Variants in MAP3K13 observed in about 807,000 individuals in gnomAD.
MAP3K13 encodes the protein mitogen-activated protein kinase kinase kinase 13, also known as leucine zipper-bearing kinase.
A neutral mutation model predicts 104.0 loss-of-function variants in MAP3K13; 52 were observed. The observed-to-expected ratio is 0.50, with a 90% confidence interval of 0.40 to 0.63. MAP3K13 has a LOEUF of 0.63. MAP3K13 is among the 20% of genes least tolerant of loss of function. MAP3K13 has a pLI of 0.00. For missense variants in MAP3K13, 914 were observed against 1,218.5 expected (o/e 0.75, Z 3.72); for synonymous variants, 394 against 442.2 (o/e 0.89, Z 1.37).
chr3:185,399,749 T>C (rs1421020947), intron 1 of MAP3K13, among the ~76,000 whole-genome samples: 1 of 150,280 alleles, frequency 6.7e-6, no homozygotes, highest in African/African-American at 2.4e-5. Flanking sequence ...TGTAGTTCTT[T>C]GCCCCAGTTA....
intron 1 of MAP3K13, among the ~76,000 whole-genome samples, chr3:185,392,658 T>G (rs1156264629): frequency 1.3e-5 from 2 of 152,148 alleles, no homozygotes; most frequent in East Asian, 3.9e-4. Context: ...TTGAGTGGCA[T>G]GTTCAGAATT....
intron 2 of MAP3K13, chr3:185,329,146 C>T (rs1240076302): frequency 4.4e-6 from 3 of 689,042 alleles, no homozygotes; most frequent in East Asian, 2.7e-5. Context: ...AAAAGAAAGC[C>T]GTGAGGTGTA....
upstream of MAP3K13, chr3:185,363,094 A>G (rs1465961152): frequency 4.1e-6 from 4 of 984,148 alleles, no homozygotes; most frequent in African/African-American, 1.8e-5. Context: ...CCTGAAGCCT[A>G]TTGGCTGGGC....
chr3:185,489,052 CAA>C lies in MAP3K13; in HGVS notation c.*6598_*6599del, dbSNP rs1325346111. ...CGGCAATGGGAACAAGAATGACTAT[CAA>C]AGCAAACAAATGCATGGAATTAAAC... On this transcript the variant is annotated 3_prime_UTR_variant, in exon 14 of 14. Transcript: ENST00000265026. The C allele has an allele frequency of 6.6e-6, 1 of 152,146 alleles. No homozygotes were observed. Among genetic ancestry groups the C allele is most frequent in the Non-Finnish European group, 1.5e-5 (1 of 68,030 alleles). 9.4% of individuals were successfully genotyped at this position (152,146 alleles called of 1,614,324 possible).
intron 2 of MAP3K13, among the ~76,000 whole-genome samples, chr3:185,302,916 T>C (rs867893346): frequency 1.3e-5 from 2 of 152,226 alleles, no homozygotes; most frequent in South Asian, 4.1e-4. Flanking sequence ...TTTTTCCTGA[T>C]ATTAAAGGGA....
intron 1 of MAP3K13, among the ~76,000 whole-genome samples, chr3:185,387,515 T>C (rs770232936): frequency 6.6e-6 from 1 of 152,118 alleles, no homozygotes; most frequent in Non-Finnish European, 1.5e-5. Flanking sequence ...TTTTAAAAAA[T>C]AAATTACCCA....
intron 1 of MAP3K13, among the ~76,000 whole-genome samples, chr3:185,383,746 T>C (rs1204745999): frequency 1.3e-5 from 2 of 152,184 alleles, no homozygotes; most frequent in African/African-American, 4.8e-5. Flanking sequence ...TTTTTCTTTA[T>C]AAATTACCCA....
rs770069949 is a variant in MAP3K13 at position 185,428,963 on chromosome 3, G to A, written c.382G>A (p.Gly128Ser). ...GTTCAGCAGGTCAGGCAGTGGCAGT[G>A]GTGGGTTTCTTGAAGGACTATTTGG... The part of the protein sequence containing the change: ...IQFSRSGSGS[G>S]GFLEGLFGCL... Residue 128 changes from glycine to serine, a missense_variant, in exon 2 of 14, where the codon GGT (glycine) becomes AGT (serine). Transcript: ENST00000265026. The A allele has an allele frequency of 6.2e-7, 1 of 1,614,156 alleles. No homozygotes were observed. The highest frequency in any genetic ancestry group is 1.3e-5 in the African/African-American group (1 of 75,038).
At chr3:185,298,519 A>G (rs375296819) in intron 2 of MAP3K13, among the ~76,000 whole-genome samples, 197 of 152,316 alleles carry the variant, frequency 1.3e-3, no homozygotes, top group African/African-American at 4.6e-3. Context: ...ACATTATCCT[A>G]ACTAATTTAA....
In MAP3K13 at chr3:185,473,084, C is replaced by G. The variant is rs1455348357; in HGVS notation, c.1753C>G (p.Arg585Gly). 6.2e-7 allele frequency: 1 copy of G among 1,614,058 alleles called. No individual in the cohort carries two copies. Among genetic ancestry groups the G allele is most frequent in the African/African-American group, 1.3e-5 (1 of 74,914 alleles). Reference protein sequence around the residue: ...MSTSSSKSRYRSKPRHRRGNS... With the variant: ...MSTSSSKSRYGSKPRHRRGNS... ...CACTTCTAGCAGCAAGAGCCGATAT[C>G]GAAGCAAACCACGCCACCGCCGAGG... is the stretch of plus-strand genomic sequence containing the variant. The change falls in exon 11 of 14, where the codon CGA becomes GGA. Residue 585 changes from arginine to glycine, a missense_variant. Physicochemically the swap from Arg to Gly is moderately radical, Grantham distance 125. This residue lies in a region of MAP3K13 where 583 missense variants were observed against 737.4 expected (regional missense o/e 0.79). Transcript: ENST00000265026. The surrounding 1 kb of genome is among the most constrained non-coding windows in gnomAD (Gnocchi z 4.9).
Position 185,477,323 on chromosome 3 carries a change from C to A in MAP3K13, c.2431-3C>A. 1 of 1,594,546 alleles carries A rather than the reference C, an allele frequency of 6.3e-7. No homozygotes were observed. Among genetic ancestry groups the A allele is most frequent in the Non-Finnish European group, 8.6e-7 (1 of 1,162,252 alleles). ...TAAAACTCTTAATCCTTGTTCTCCTCAGAGTGGAGATGACTCCTCAGAAGA... is the reference window on the plus strand; with the variant it reads ...TAAAACTCTTAATCCTTGTTCTCCTAAGAGTGGAGATGACTCCTCAGAAGA... On this transcript the variant is annotated splice_region_variant and splice_polypyrimidine_tract_variant and intron_variant, in intron 11 of 13. Transcript: ENST00000265026.
intron 3 of MAP3K13, among the ~76,000 whole-genome samples, chr3:185,438,356 A>C (rs1247114853): frequency 6.6e-6 from 1 of 152,158 alleles, no homozygotes; most frequent in Non-Finnish European, 1.5e-5. Flanking sequence ...TGAAGTGATC[A>C]AAGAACAATC....
At chr3:185,396,806 T>C (rs535735856) in intron 1 of MAP3K13, among the ~76,000 whole-genome samples, 12 of 152,108 alleles carry the variant, frequency 7.9e-5, no homozygotes, top group Non-Finnish European at 1.2e-4. Context: ...GTCGGTGTGG[T>C]GAAACCCTAT....
intron 7 of MAP3K13, among the ~76,000 whole-genome samples, chr3:185,455,184 T>TATATGAGATATATATATGATAC: frequency 9.5e-6 from 1 of 104,874 alleles, no homozygotes; most frequent in Non-Finnish European, 1.9e-5. Context: ...ATATATGATA[T>TATATGAGATATATATATGATAC]ATATGAGATA....
chr3:185,353,930 G>A (rs1003505959), intron 2 of MAP3K13, among the ~76,000 whole-genome samples: 3 of 151,896 alleles, frequency 2.0e-5, no homozygotes, highest in Non-Finnish European at 2.9e-5. Flanking sequence ...CCATCAAAGA[G>A]AAGAAAGACT....
Position 185,317,965 on chromosome 3 carries a change from GA to G in MAP3K13, c.-86+32334del, listed in dbSNP as rs528138539. On this transcript the variant is annotated intron_variant, in intron 2 of 14. Coordinates refer to the MAP3K13 transcript ENST00000424227. ...GTCATTCACCCATTAAAACTTTAAA[GA>G]AAAAAAAAAAAGCGAAGGAAAAAAA... Among the ~76,000 whole-genome samples the G allele has an allele frequency of 4.8e-3, 630 of 130,872 alleles. 11 individuals carry two copies. Among genetic ancestry groups the G allele is most frequent in the South Asian group, 0.022 (94 of 4,226 alleles). The allele number at this position is 130,872 out of a possible 152,430, so 85.9% of individuals were successfully genotyped here.
chr3:185,444,761 T>G (rs935668676), intron 4 of MAP3K13, among the ~76,000 whole-genome samples: 4 of 152,194 alleles, frequency 2.6e-5, no homozygotes, highest in Non-Finnish European at 5.9e-5. Flanking sequence ...AAGCAAAGGA[T>G]TAATCTCTTT....
intron 2 of MAP3K13, among the ~76,000 whole-genome samples, chr3:185,327,632 C>T (rs528612620): frequency 6.6e-6 from 1 of 152,264 alleles, no homozygotes; most frequent in East Asian, 1.9e-4. Context: ...AATTACAAGG[C>T]TGGGCGCAGT....
intron 1 of MAP3K13, among the ~76,000 whole-genome samples, chr3:185,399,592 G>A (rs1484117114): frequency 1.4e-5 from 2 of 138,424 alleles, no homozygotes; most frequent in Non-Finnish European, 3.1e-5. Context: ...TGGGCATAGG[G>A]TGAGACTCCG....
Sources: allele counts gnomAD v4.1 joint callset (sites outside exome capture counted in the v4.1 genomes callset), GRCh38; gene constraint gnomAD v4.1.1; regional missense constraint gnomAD v4.1.1; non-coding constraint Gnocchi (gnomAD v3.1); transcripts MANE v1.5; gene names NCBI Gene and HGNC (gene_info 2026-07-23, HGNC 2026-07-21).